The following PXDNL variants were observed in gnomAD, a reference collection of about 807,000 sequenced individuals.
PXDNL encodes probable oxidoreductase PXDNL.
PXDNL carries 145 observed loss-of-function variants against 150.8 expected under a neutral mutation model. That is an observed-to-expected ratio of 0.96 (90% confidence interval 0.84 to 1.10). The LOEUF is 1.10. Among genes scored for constraint, PXDNL ranks in the 50% least tolerant of loss-of-function variants. The pLI is 0.00. For missense variants in PXDNL, 2,087 were observed against 1,873.9 expected (o/e 1.11, Z -2.10); for synonymous variants, 757 against 725.7 (o/e 1.04, Z -0.69).
chr8:51,337,519 T>C (rs965973408), intron 21 of PXDNL, among the ~76,000 whole-genome samples: 4 of 152,270 alleles, frequency 2.6e-5, no homozygotes, highest in African/African-American at 9.6e-5. Context: ...ACCCCAACCA[T>C]TGCATGCTAT....
chr8:51,675,404 G>A (rs568322168), intron 1 of PXDNL, among the ~76,000 whole-genome samples: 29 of 152,190 alleles, frequency 1.9e-4, no homozygotes, highest in African/African-American at 7.0e-4. Context: ...GCACCACCTT[G>A]GAATCAGACA....
chr8:51,573,868 C>T (rs553440667), intron 3 of PXDNL, among the ~76,000 whole-genome samples: 1 of 151,928 alleles, frequency 6.6e-6, no homozygotes. Context: ...TAGATGGGCT[C>T]TAATTTTATA....
At chr8:51,399,695 A>G (rs1808189959) in intron 17 of PXDNL, among the ~76,000 whole-genome samples, 1 of 152,206 alleles carries the variant, frequency 6.6e-6, no homozygotes, top group African/African-American at 2.4e-5. Context: ...ATCAAATTGT[A>G]CACTTAAAAT....
chr8:51,605,574 T>A (rs1813821387), intron 2 of PXDNL, among the ~76,000 whole-genome samples: 1 of 152,164 alleles, frequency 6.6e-6, no homozygotes, highest in Non-Finnish European at 1.5e-5. Flanking sequence ...AAATCTAAGA[T>A]CGAAGATGAG....
At chr8:51,360,210 C>T (rs966243180) in intron 19 of PXDNL, among the ~76,000 whole-genome samples, 3 of 152,108 alleles carry the variant, frequency 2.0e-5, no homozygotes, top group Non-Finnish European at 4.4e-5. Flanking sequence ...CACATATAAA[C>T]ATACCCATAC....
At chr8:51,653,195 G>A in intron 2 of PXDNL, among the ~76,000 whole-genome samples, 1 of 152,060 alleles carries the variant, frequency 6.6e-6, no homozygotes, top group East Asian at 1.9e-4. Flanking sequence ...CGAGGCGGAT[G>A]GATCACAAGG....
intron 2 of PXDNL, among the ~76,000 whole-genome samples, chr8:51,642,082 C>CA (rs1420719868): frequency 6.6e-6 from 1 of 151,984 alleles, no homozygotes; most frequent in Non-Finnish European, 1.5e-5. Flanking sequence ...TGGAAACCAT[C>CA]ATTCTCAGTA....
At chr8:51,604,356 G>A (rs566196947) in intron 2 of PXDNL, among the ~76,000 whole-genome samples, 65 of 152,302 alleles carry the variant, frequency 4.3e-4, no homozygotes, top group African/African-American at 1.5e-3. Flanking sequence ...GTAGGGACAT[G>A]GATGAAACTG....
At chr8:51,348,821 A>C (rs1203786956) in intron 19 of PXDNL, among the ~76,000 whole-genome samples, 1 of 152,186 alleles carries the variant, frequency 6.6e-6, no homozygotes, top group Non-Finnish European at 1.5e-5. Flanking sequence ...AAAGTCCTAC[A>C]GCTTTTCAAC....
intron 1 of PXDNL, among the ~76,000 whole-genome samples, chr8:51,711,049 T>C (rs1282465232): frequency 6.6e-6 from 1 of 152,134 alleles, no homozygotes; most frequent in Non-Finnish European, 1.5e-5. Context: ...ATAAAAGATA[T>C]CCAAATCAGA....
intron 19 of PXDNL, among the ~76,000 whole-genome samples, chr8:51,350,338 T>A (rs55713920): frequency 0.65 from 92,143 of 142,640 alleles, 32,593 homozygotes; most frequent in East Asian, 0.94. Context: ...TAGTCTTTTA[T>A]TAGCAAATGC....
Position 51,553,771 on chromosome 8 carries a change from T to TATATATATATATATATATATACAC in PXDNL, c.380+3068_380+3069insGTGTATATATATATATATATATAT, listed in dbSNP as rs1236843720. On this transcript the variant is annotated intron_variant, in intron 4 of 22. Coordinates refer to ENST00000356297, the MANE Select transcript of PXDNL (RefSeq NM_144651.5). ...ATATATATATATATATATATATATA[T>TATATATATATATATATATATACAC]ACACACACTGAAAATATAAATCTCG... Among the ~76,000 whole-genome samples the TATATATATATATATATATATACAC allele has an allele frequency of 1.6e-3, 104 of 63,646 alleles. 1 individual carries two copies. The highest frequency in any genetic ancestry group is 9.6e-3 in the African/African-American group (102 of 10,572). The allele number at this position is 63,646 out of a possible 152,430, so 41.8% of individuals were successfully genotyped here. A position where few individuals can be genotyped will look rare whatever the true frequency, so the allele number is the denominator to read the frequency against.
chr8:51,726,769 AG>A (rs34711841), intron 1 of PXDNL, among the ~76,000 whole-genome samples: 147,439 of 152,238 alleles, frequency 0.97, 71,574 homozygotes, highest in East Asian at 1. Context: ...AGCCACTAAA[AG>A]CTTATTTAAA....
At chr8:51,573,056 T>C (rs1008656982) in intron 3 of PXDNL, among the ~76,000 whole-genome samples, 8 of 152,028 alleles carry the variant, frequency 5.3e-5, no homozygotes, top group Admixed American at 2.6e-4. Flanking sequence ...TGAGTACAGA[T>C]GACAAAAAGT....
intron 1 of PXDNL, among the ~76,000 whole-genome samples, chr8:51,746,419 A>G (rs2036985089): frequency 1.3e-5 from 2 of 152,162 alleles, no homozygotes; most frequent in South Asian, 4.1e-4. Context: ...TCCTCTCTTC[A>G]TCTAGAACAG....
chr8:51,408,437 T>C lies in PXDNL; in HGVS notation c.3187A>G (p.Ile1063Val), dbSNP rs1464480417. The C allele has an allele frequency of 1.2e-6, 2 of 1,613,978 alleles. No individual in the cohort carries two copies. The highest frequency in any genetic ancestry group is 1.1e-5 in the South Asian group (1 of 91,066). The change falls in exon 17 of 23, where the codon ATT (isoleucine) becomes GTT (valine). Residue 1063 changes from isoleucine (I) to valine (V), a missense_variant. Ile to Val is a conservative substitution (Grantham distance 29, BLOSUM62 3). Coordinates refer to ENST00000356297, the MANE Select transcript of PXDNL (RefSeq NM_144651.5). Reference protein sequence around the residue: ...FRFGHTLINPILYRLNATLGE... With the variant: ...FRFGHTLINPVLYRLNATLGE... ...AAGGTGGCATTCAGTCGGTAAAGAA[T>C]AGGATTGATTAATGTGTGGCCAAAT...
At chr8:51,718,276 G>A (rs570672774) in intron 1 of PXDNL, among the ~76,000 whole-genome samples, 1 of 152,130 alleles carries the variant, frequency 6.6e-6, no homozygotes. Context: ...CAGGGACTGA[G>A]GGGGAGGAGC....
intron 4 of PXDNL, among the ~76,000 whole-genome samples, chr8:51,554,697 T>C (rs1396628737): frequency 6.6e-6 from 1 of 152,204 alleles, no homozygotes; most frequent in Non-Finnish European, 1.5e-5. Context: ...AGCCAAGTTA[T>C]TTGCCACGTT....
intron 3 of PXDNL, among the ~76,000 whole-genome samples, chr8:51,569,481 A>C (rs1478544100): frequency 6.6e-6 from 1 of 151,940 alleles, no homozygotes; most frequent in Non-Finnish European, 1.5e-5. Context: ...CACACATGAC[A>C]ATTGTATGTC....
Sources: allele counts gnomAD v4.1 joint callset (sites outside exome capture counted in the v4.1 genomes callset), GRCh38; gene constraint gnomAD v4.1.1; transcripts MANE v1.5; gene names NCBI Gene and HGNC (gene_info 2026-07-23, HGNC 2026-07-21).